Variants in PEPD observed in about 807,000 individuals in gnomAD.
PEPD encodes peptidase D.
A neutral mutation model predicts 60.7 loss-of-function variants in PEPD; 53 were observed. The observed-to-expected ratio is 0.87, with a 90% CI of 0.70 to 1.10. The LOEUF is 1.10. Among genes scored for constraint, PEPD ranks in the 50% least tolerant of loss-of-function variants. The pLI is 0.00. For synonymous variants in PEPD, 267 were observed against 284.1 expected (o/e 0.94, Z 0.60); for missense variants, 711 against 711.9 (o/e 1.00, Z 0.01).
At chr19:33,401,247 C>CA (rs1383482128) in intron 12 of PEPD, among the ~76,000 whole-genome samples, 3 of 152,232 alleles carry the variant, frequency 2.0e-5, no homozygotes, top group Non-Finnish European at 2.9e-5. Context: ...CAGCTTAACT[C>CA]AGTCTCCATG....
In PEPD at chr19:33,407,626, T is replaced by G. The variant is rs182287421; in HGVS notation, c.818+4046A>C. Among the ~76,000 whole-genome samples, 207 of 152,312 alleles carry G rather than the reference T, an allele frequency of 1.4e-3. 1 individual carries two copies. The highest frequency in any genetic ancestry group is 4.4e-3 in the African/African-American group (183 of 41,566). On this transcript the variant is annotated intron_variant, in intron 11 of 14. Coordinates refer to ENST00000244137, the MANE Select transcript of PEPD (RefSeq NM_000285.4). ...TTAATTAGCAAGTGTGCTGCGCTTTTGTAACCCTGTTCTTGAAGGTCTGCC... is the reference window on the plus strand; with the variant it reads ...TTAATTAGCAAGTGTGCTGCGCTTTGGTAACCCTGTTCTTGAAGGTCTGCC...
At chr19:33,459,990 G>C (rs895936639) in intron 9 of PEPD, among the ~76,000 whole-genome samples, 2 of 152,100 alleles carry the variant, frequency 1.3e-5, no homozygotes, top group African/African-American at 4.8e-5. Context: ...GGTTTCCTTT[G>C]AACCCAGTGA....
chr19:33,409,628 T>C (rs1228352570), intron 11 of PEPD, among the ~76,000 whole-genome samples: 2 of 152,196 alleles, frequency 1.3e-5, no homozygotes, highest in Non-Finnish European at 2.9e-5. Context: ...TGAGCTATGA[T>C]TGTGCCACTG....
Position 33,413,605 on chromosome 19 carries a change from C to T in PEPD, c.710G>A (p.Arg237His), listed in dbSNP as rs577079343. ...GCAGATGCAGGTGTAGGAGCTGTGG[C>T]GCATGCCGCCCCGGGAGTAGCAGTA... Reference protein sequence around the residue: ...EHYCYSRGGMRHSSYTCICGS... With the variant: ...EHYCYSRGGMHHSSYTCICGS... Residue 237 changes from arginine (R) to histidine (H), a missense_variant, in exon 10 of 15, where the codon CGC (arginine) becomes CAC (histidine). Transcript: ENST00000244137. 1.1e-4 allele frequency: 167 copies of T among 1,587,020 alleles called. No homozygotes were observed. Among genetic ancestry groups the T allele is most frequent in the Admixed American group, 7.2e-4 (41 of 56,806 alleles).
chr19:33,416,057 C>T (rs1165375278), intron 9 of PEPD, among the ~76,000 whole-genome samples: 2 of 152,206 alleles, frequency 1.3e-5, no homozygotes, highest in Non-Finnish European at 2.9e-5. Flanking sequence ...CACAGGGGGC[C>T]TGTGGAAGCG....
chr19:33,503,802 A>C (rs1033562372), intron 3 of PEPD, among the ~76,000 whole-genome samples: 2 of 152,062 alleles, frequency 1.3e-5, no homozygotes, highest in African/African-American at 4.8e-5. Context: ...GTGGAAGGCA[A>C]CCTCACGGCA....
intron 9 of PEPD, among the ~76,000 whole-genome samples, chr19:33,459,331 C>T (rs148401503): frequency 3.9e-5 from 6 of 152,296 alleles, no homozygotes; most frequent in Non-Finnish European, 7.4e-5. Context: ...TCATACACAT[C>T]GCGTTATTAA....
intron 9 of PEPD, among the ~76,000 whole-genome samples, chr19:33,446,955 C>T (rs1969605616): frequency 6.6e-6 from 1 of 152,318 alleles, no homozygotes; most frequent in South Asian, 2.1e-4. Context: ...AGCCAGGCTC[C>T]GACTCAACCA....
At position 33,502,530 on chromosome 19, in the gene PEPD, T is replaced by G. The variant is rs573977317; in HGVS notation, c.330-1529A>C. The stretch of plus-strand genomic sequence containing the variant: ...CCCTTTGCAAACCCCCCCTTTTTTT[T>G]GAGGCAGATGGGAAATTGAAAGTAC... On this transcript the variant is annotated intron_variant, in intron 3 of 14. Coordinates refer to ENST00000244137, the MANE Select transcript of PEPD (RefSeq NM_000285.4). Among the ~76,000 whole-genome samples the G allele has an allele frequency of 6.2e-4, 94 of 152,280 alleles. 1 individual carries two copies. The highest frequency in any genetic ancestry group is 1.2e-3 in the Non-Finnish European group (83 of 68,024).
intron 6 of PEPD, among the ~76,000 whole-genome samples, chr19:33,485,292 G>A (rs908062928): frequency 6.6e-6 from 1 of 152,038 alleles, no homozygotes; most frequent in African/African-American, 2.4e-5. Flanking sequence ...TCAGGAGCTC[G>A]AGACCAGCCT....
chr19:33,505,684 C>T (rs547646137), intron 3 of PEPD, among the ~76,000 whole-genome samples: 2 of 151,716 alleles, frequency 1.3e-5, no homozygotes, highest in South Asian at 4.2e-4. Flanking sequence ...ACCCTCATCA[C>T]AAACACCCTA....
At chr19:33,423,511 A>G (rs77710357) in intron 9 of PEPD, among the ~76,000 whole-genome samples, 11,147 of 152,336 alleles carry the variant, frequency 0.073, 474 homozygotes, top group Middle Eastern at 0.12. Flanking sequence ...GCACACTGCA[A>G]GGCTCGTCTG....
Position 33,387,630 on chromosome 19 carries a change from C to G in PEPD, c.1345-149G>C. ...GTGGCCTCCGGGCTCCTTCATGGAG[C>G]CATCTGCCCATGTCACCTGCTCACC... On this transcript the variant is annotated intron_variant, in intron 14 of 14. Coordinates refer to ENST00000244137, the MANE Select transcript of PEPD (RefSeq NM_000285.4). 3.0e-6 allele frequency: 3 copies of G among 999,190 alleles called. No individual in the cohort carries two copies. The Admixed American group carries it at 5.8e-5, about 19-fold the overall frequency. 61.9% of individuals were successfully genotyped at this position (999,190 alleles called of 1,614,324 possible).
At position 33,387,402 on chromosome 19, in the gene PEPD, A is replaced by G. The variant is rs768258169; in HGVS notation, c.1424T>C (p.Ile475Thr). Residue 475 changes from isoleucine to threonine, a missense_variant, in exon 15 of 15, where the codon ATT becomes ACT. Ile to Thr is a moderately conservative substitution (Grantham distance 89). Transcript: ENST00000244137. Reference sequence around the variant, plus strand: ...GTCACAGCCTGCCATGCATGCTTCAATCTCTTCCACAGTGCGGGGCACGCA... The same window carrying G: ...GTCACAGCCTGCCATGCATGCTTCAGTCTCTTCCACAGTGCGGGGCACGCA... ...LTCVPRTVEE[I>T]EACMAGCDKA... is the part of the protein sequence containing the mutation. The G allele has an allele frequency of 2.5e-6, 4 of 1,613,970 alleles. No homozygotes were observed. Among genetic ancestry groups the G allele is most frequent in the African/African-American group, 1.3e-5 (1 of 74,944 alleles).
intron 12 of PEPD, among the ~76,000 whole-genome samples, chr19:33,398,628 G>A (rs552549346): frequency 6.6e-6 from 1 of 152,380 alleles, no homozygotes; most frequent in South Asian, 2.1e-4. Context: ...ATTCATTCGA[G>A]TGACTAGTGG....
At chr19:33,409,516 A>T (rs544697887) in intron 11 of PEPD, among the ~76,000 whole-genome samples, 1 of 152,300 alleles carries the variant, frequency 6.6e-6, no homozygotes, top group Non-Finnish European at 1.5e-5. Context: ...TAATATTAAA[A>T]ATAAAAAAAT....
chr19:33,391,612 GTAC>G (rs1310503257), intron 12 of PEPD, 133 bp from the exon 13 acceptor site: 4 of 823,196 alleles, frequency 4.9e-6, no homozygotes, highest in Non-Finnish European at 8.0e-6. Context: ...GGGGGCAAGG[GTAC>G]TACATCGGGG....
At chr19:33,508,395 A>G (rs1469573104) in intron 3 of PEPD, among the ~76,000 whole-genome samples, 1 of 152,222 alleles carries the variant, frequency 6.6e-6, no homozygotes, top group Non-Finnish European at 1.5e-5. Flanking sequence ...AAGCAGACCT[A>G]AACTCTTCGT....
chr19:33,492,043 C>CAA (rs757173823), intron 5 of PEPD, among the ~76,000 whole-genome samples: 279 of 81,532 alleles, frequency 3.4e-3, no homozygotes, highest in African/African-American at 9.7e-3. Flanking sequence ...TATTCCATTT[C>CAA]AAAAAAAAAA....
Sources: allele counts gnomAD v4.1 joint callset (sites outside exome capture counted in the v4.1 genomes callset), GRCh38; gene constraint gnomAD v4.1.1; transcripts MANE v1.5; gene names NCBI Gene and HGNC (gene_info 2026-07-23, HGNC 2026-07-21).